Variants in OVOL2 observed in about 807,000 individuals in gnomAD.
The protein encoded by OVOL2 is ovo like zinc finger 2, also known as transcription factor Ovo-like 2.
Under a neutral mutation model 18.1 loss-of-function variants are expected in OVOL2, and 13 were observed. That is an observed-to-expected ratio of 0.72 (90% CI 0.47 to 1.14). OVOL2 has a LOEUF of 1.14. OVOL2 is among the 50% of genes most tolerant of loss of function. The probability of loss-of-function intolerance (pLI) is 0.00; values close to 1 mark genes in which losing one functional copy is unlikely to be tolerated. For missense variants in OVOL2, 335 were observed against 383.0 expected (o/e 0.87, Z 1.05); for synonymous variants, 166 against 162.7 (o/e 1.02, Z -0.16).
chr20:18,025,760 T>C (rs1024849655), intron 3 of OVOL2, among the ~76,000 whole-genome samples: 1 of 152,186 alleles, frequency 6.6e-6, no homozygotes, highest in Admixed American at 6.5e-5. Flanking sequence ...CAGTCCTCTG[T>C]GCAACGCAGG....
intron 3 of OVOL2, among the ~76,000 whole-genome samples, chr20:18,033,886 A>G (rs1447135182): frequency 1.3e-5 from 2 of 152,194 alleles, no homozygotes; most frequent in Non-Finnish European, 2.9e-5. Context: ...TCAACCTAAA[A>G]CACTTAAATA....
intron 3 of OVOL2, among the ~76,000 whole-genome samples, chr20:18,036,362 G>A (rs2036614905): frequency 6.6e-6 from 1 of 152,048 alleles, no homozygotes; most frequent in African/African-American, 2.4e-5. Flanking sequence ...TTGAAACTTA[G>A]TGTCTCTTTT....
chr20:18,031,257 CA>C (rs1281380643), intron 3 of OVOL2, among the ~76,000 whole-genome samples: 1 of 152,176 alleles, frequency 6.6e-6, no homozygotes, highest in Non-Finnish European at 1.5e-5. Context: ...TCACCTGTCA[CA>C]GGGGTGTCAT....
upstream of OVOL2, chr20:18,059,100 C>G (rs553652978): frequency 6.6e-6 from 1 of 152,496 alleles, no homozygotes; most frequent in African/African-American, 2.4e-5. Flanking sequence ...CCTGACCCTC[C>G]GCGCTCCCAG....
chr20:18,058,397 C>A (rs1401523505), upstream of OVOL2, among the ~76,000 whole-genome samples: 2 of 137,178 alleles, frequency 1.5e-5, no homozygotes, highest in African/African-American at 5.8e-5. Context: ...TTTCCATCAG[C>A]TACAACACCC....
chr20:18,034,626 T>TCTCTCTCTCTCTCTCTCTC (rs2036598587), intron 3 of OVOL2, among the ~76,000 whole-genome samples: 6 of 138,048 alleles, frequency 4.3e-5, no homozygotes, highest in African/African-American at 1.4e-4. Flanking sequence ...CTTCCCCTCT[T>TCTCTCTCTCTCTCTCTCTC]TCTCTCTCTC....
Position 18,024,648 on chromosome 20 carries a change from C to T in OVOL2, c.816G>A (p.Glu272=), listed in dbSNP as rs1308092716. 1 of 1,603,726 alleles carries T rather than the reference C, an allele frequency of 6.2e-7. No individual in the cohort carries two copies. The highest frequency in any genetic ancestry group is 1.7e-5 in the Admixed American group (1 of 59,218). The change falls in exon 4 of 4, where the codon GAG becomes GAA. Residue 272 remains glutamate, a synonymous_variant. Transcript: ENST00000278780. Reference sequence around the variant, plus strand: ...CCCTTCCTTCTCCTCACTTCCTCTCCTCCTCCTCACTCAGGCTGGTATTCT... The same window carrying T: ...CCCTTCCTTCTCCTCACTTCCTCTCTTCCTCCTCACTCAGGCTGGTATTCT... ...HQENTSLSEE[E]ERK is the part of the protein sequence containing the mutation.
chr20:18,056,964 G>GCCGCC lies in OVOL2; in HGVS notation c.101-92_101-88dup. The GCCGCC allele has an allele frequency of 6.6e-6, 9 of 1,359,568 alleles. No homozygotes were observed. The highest frequency in any genetic ancestry group is 5.7e-6 in the Non-Finnish European group (6 of 1,058,714). 84.2% of individuals were successfully genotyped at this position (1,359,568 alleles called of 1,614,324 possible). On this transcript the variant is annotated intron_variant, in intron 1 of 3. Transcript: ENST00000278780. This position sits in a 1 kb window ranked among gnomAD's most constrained non-coding sequence, Gnocchi z 4.2. ...AGTTTGACCTGCGGGCGGTGCTGCC[G>GCCGCC]CCGCCCCGCCCCGGACCTGGGCACC... is the stretch of plus-strand genomic sequence containing the variant.
intron 2 of OVOL2, among the ~76,000 whole-genome samples, chr20:18,051,282 C>T (rs1180749887): frequency 1.3e-5 from 2 of 152,072 alleles, no homozygotes; most frequent in African/African-American, 4.8e-5. Flanking sequence ...TGGTTAACAA[C>T]TGATTATCTT....
At chr20:18,027,906 C>T (rs2036534773) in intron 3 of OVOL2, among the ~76,000 whole-genome samples, 1 of 152,076 alleles carries the variant, frequency 6.6e-6, no homozygotes, top group Non-Finnish European at 1.5e-5. Context: ...TAAGGTCTAA[C>T]TTAGGCTCTC....
At position 18,056,984 on chromosome 20, in the gene OVOL2, G is replaced by C; in HGVS notation, c.101-107C>G. 4 of 1,301,882 alleles carry C rather than the reference G, an allele frequency of 3.1e-6. No homozygotes were observed. Among genetic ancestry groups the C allele is most frequent in the Non-Finnish European group, 4.0e-6 (4 of 1,009,912 alleles). The allele number at this position is 1,301,882 out of a possible 1,614,324, so 80.6% of individuals were successfully genotyped here. A position where few individuals can be genotyped will look rare whatever the true frequency, so the allele number is the denominator to read the frequency against. On this transcript the variant is annotated intron_variant, in intron 1 of 3. Transcript: ENST00000278780. This position sits in a 1 kb window ranked among gnomAD's most constrained non-coding sequence, Gnocchi z 4.2. ...CTGCCGCCGCCCCGCCCCGGACCTG[G>C]GCACCTCGCCAAGTGGGCAACGTCG...
intron 3 of OVOL2, among the ~76,000 whole-genome samples, chr20:18,035,324 G>T (rs925531317): frequency 2.0e-5 from 3 of 152,152 alleles, no homozygotes; most frequent in African/African-American, 7.2e-5. Flanking sequence ...GGTGGCATGT[G>T]CCTATAATCC....
chr20:18,058,955 C>G (rs1273840682), upstream of OVOL2: 1 of 152,268 alleles, frequency 6.6e-6, no homozygotes, highest in Non-Finnish European at 1.5e-5. Flanking sequence ...GGCACAGCCT[C>G]TTGTGTCGCT....
intron 2 of OVOL2, among the ~76,000 whole-genome samples, chr20:18,050,347 G>A (rs190997277): frequency 2.0e-5 from 3 of 152,150 alleles, no homozygotes; most frequent in South Asian, 4.1e-4. Flanking sequence ...ATGCAGGGAC[G>A]GGCAGCCATC....
intron 3 of OVOL2, among the ~76,000 whole-genome samples, chr20:18,037,150 A>AAG (rs1555795021): frequency 6.8e-6 from 1 of 147,146 alleles, no homozygotes; most frequent in African/African-American, 2.5e-5. Context: ...AAAAAAAAAA[A>AAG]AAAGAAAGAA....
intron 3 of OVOL2, among the ~76,000 whole-genome samples, chr20:18,031,685 T>C (rs1401981594): frequency 1.3e-5 from 2 of 152,244 alleles, no homozygotes; most frequent in Non-Finnish European, 2.9e-5. Flanking sequence ...GTTACTTATT[T>C]CACAACAAAA....
chr20:18,024,619 C>A lies in OVOL2; in HGVS notation c.*17G>T. The A allele has an allele frequency of 6.4e-7, 1 of 1,563,498 alleles. No individual in the cohort carries two copies. The highest frequency in any genetic ancestry group is 8.7e-7 in the Non-Finnish European group (1 of 1,151,516). On this transcript the variant is annotated 3_prime_UTR_variant, in exon 4 of 4. Coordinates refer to ENST00000278780, the MANE Select transcript of OVOL2 (RefSeq NM_021220.4). Reference sequence around the variant, plus strand: ...CATACGTGGCAGTGTGAACGTCTGTCCTCCCCTTCCTTCTCCTCACTTCCT... The same window carrying A: ...CATACGTGGCAGTGTGAACGTCTGTACTCCCCTTCCTTCTCCTCACTTCCT...
intron 2 of OVOL2, among the ~76,000 whole-genome samples, chr20:18,045,062 G>T (rs1035314102): frequency 1.3e-5 from 2 of 152,138 alleles, no homozygotes; most frequent in Non-Finnish European, 2.9e-5. Context: ...CCAGTTGGGT[G>T]GCTGTCCTGG....
At chr20:18,037,355 A>C (rs564737144) in intron 3 of OVOL2, among the ~76,000 whole-genome samples, 1 of 152,320 alleles carries the variant, frequency 6.6e-6, no homozygotes, top group Non-Finnish European at 1.5e-5. Flanking sequence ...CTCCTCTGCA[A>C]AAGGTGGAGA....
Sources: gnomAD v4.1 joint callset for allele counts (sites outside exome capture counted in the v4.1 genomes callset) on GRCh38, gnomAD v4.1.1 for gene constraint, Gnocchi (gnomAD v3.1) non-coding constraint, MANE v1.5 for transcripts, NCBI Gene and HGNC (gene_info 2026-07-23, HGNC 2026-07-21) for gene names.